Variants in PHTF1 observed in about 807,000 individuals in gnomAD.
The protein encoded by PHTF1 is protein PHTF1.
A neutral mutation model predicts 102.4 loss-of-function variants in PHTF1; 88 were observed. The observed-to-expected ratio is 0.86, with a 90% confidence interval of 0.72 to 1.03. The LOEUF (loss-of-function observed/expected upper bound fraction) is 1.03. Ranked by LOEUF, PHTF1 falls within the 50% of genes least tolerant of loss-of-function variation. PHTF1 has a pLI of 0.00. For synonymous variants in PHTF1, 289 were observed against 305.2 expected (o/e 0.95, Z 0.55); for missense variants, 814 against 909.5 (o/e 0.89, Z 1.35).
chr1:113,752,835 TAAATAA>T (rs1658298403), intron 3 of PHTF1, among the ~76,000 whole-genome samples: 1 of 152,226 alleles, frequency 6.6e-6, no homozygotes, highest in South Asian at 2.1e-4. Flanking sequence ...AGTACAATGT[TAAATAA>T]AAATAGTAAG....
At chr1:113,739,495 A>T (rs1219863537) in intron 3 of PHTF1, among the ~76,000 whole-genome samples, 1 of 152,216 alleles carries the variant, frequency 6.6e-6, no homozygotes, top group East Asian at 1.9e-4. Flanking sequence ...TTTATGGCGT[A>T]GAATGTGATA....
intron 17 of PHTF1, chr1:113,698,944 A>C (rs1424416962): frequency 6.4e-6 from 1 of 157,130 alleles, no homozygotes; most frequent in Non-Finnish European, 1.4e-5. Context: ...TCTTTAGGCC[A>C]TGGTCACTAA....
At chr1:113,707,936 C>A (rs1000665810) in intron 11 of PHTF1, among the ~76,000 whole-genome samples, 8 of 131,566 alleles carry the variant, frequency 6.1e-5, no homozygotes, top group African/African-American at 2.5e-4. Flanking sequence ...ATGTCCCAGG[C>A]AAAGAAACCT....
At chr1:113,750,449 ACTCT>A (rs1245109694) in intron 3 of PHTF1, among the ~76,000 whole-genome samples, 1 of 152,120 alleles carries the variant, frequency 6.6e-6, no homozygotes, top group Admixed American at 6.5e-5. Flanking sequence ...ATTTTTGTTC[ACTCT>A]AATATTAATT....
At chr1:113,718,274 G>A (rs1224932575) in intron 7 of PHTF1, among the ~76,000 whole-genome samples, 3 of 152,196 alleles carry the variant, frequency 2.0e-5, no homozygotes, top group Non-Finnish European at 4.4e-5. Context: ...CACACATCCA[G>A]GTCACGCTGA....
At chr1:113,710,123 C>A (rs1047448874) in intron 11 of PHTF1, 131 bp downstream of exon 11, 2 of 685,230 alleles carry the variant, frequency 2.9e-6, no homozygotes, top group Non-Finnish European at 2.5e-6. Context: ...TCAGTTTCCT[C>A]ACCTCTAAAC....
chr1:113,715,362 T>C (rs1050739477), intron 7 of PHTF1: 1 of 152,068 alleles, frequency 6.6e-6, no homozygotes, highest in Admixed American at 6.6e-5. Context: ...AAATTCAAAA[T>C]AGCTATTTTT....
intron 3 of PHTF1, among the ~76,000 whole-genome samples, chr1:113,750,408 A>AT (rs1165812988): frequency 6.6e-6 from 1 of 152,174 alleles, no homozygotes; most frequent in Non-Finnish European, 1.5e-5. Context: ...TTTATTCTCT[A>AT]AATACAAAAC....
At chr1:113,743,821 C>A (rs1240692232) in intron 3 of PHTF1, among the ~76,000 whole-genome samples, 1 of 152,150 alleles carries the variant, frequency 6.6e-6, no homozygotes, top group Non-Finnish European at 1.5e-5. Flanking sequence ...GTTAACTTGA[C>A]TCATTTAATC....
At chr1:113,755,896 T>A (rs1658790870) in intron 3 of PHTF1, among the ~76,000 whole-genome samples, 1 of 146,186 alleles carries the variant, frequency 6.8e-6, no homozygotes, top group African/African-American at 2.5e-5. Flanking sequence ...CCGTCTCTAC[T>A]AAAAAAAAAA....
intron 15 of PHTF1, 163 bp downstream of exon 15, chr1:113,703,918 T>G (rs1157254228): frequency 1.9e-6 from 1 of 528,652 alleles, no homozygotes; most frequent in East Asian, 2.9e-5. Context: ...ATTACTTGTA[T>G]TCCCATTTTG....
At chr1:113,750,120 C>T (rs1189231246) in intron 3 of PHTF1, among the ~76,000 whole-genome samples, 2 of 152,104 alleles carry the variant, frequency 1.3e-5, no homozygotes, top group Non-Finnish European at 2.9e-5. Context: ...CCAGCTTCCC[C>T]AGTATCTGGG....
At chr1:113,750,955 T>C (rs1421458606) in intron 3 of PHTF1, among the ~76,000 whole-genome samples, 1 of 151,504 alleles carries the variant, frequency 6.6e-6, no homozygotes, top group Non-Finnish European at 1.5e-5. Flanking sequence ...AGATTTAATA[T>C]ATTCTCTCAA....
intron 3 of PHTF1, among the ~76,000 whole-genome samples, chr1:113,746,022 C>T (rs1469422627): frequency 6.6e-6 from 1 of 152,200 alleles, no homozygotes; most frequent in Admixed American, 6.5e-5. Flanking sequence ...CTGGACTATA[C>T]AATCTCTGTC....
intron 10 of PHTF1, among the ~76,000 whole-genome samples, chr1:113,710,814 T>A (rs867831669): frequency 0.032 from 3,535 of 111,304 alleles, 102 homozygotes; most frequent in African/African-American, 0.12. Context: ...ATATATATTT[T>A]TTTTTTTTTT....
intron 10 of PHTF1, among the ~76,000 whole-genome samples, 184 bp from the exon 11 acceptor site, chr1:113,710,659 C>A (rs1207985677): frequency 6.6e-6 from 1 of 151,580 alleles, no homozygotes; most frequent in East Asian, 1.9e-4. Context: ...GATACAGGGT[C>A]GCGCTCTGTC....
chr1:113,758,641 AAT>A lies in PHTF1; in HGVS notation c.45+16_45+17del, dbSNP rs1553237962. On this transcript the variant is annotated intron_variant, in intron 2 of 18. Transcript: ENST00000369604. ...GGAAGAATGCTTTACAAATAAAAAA[AAT>A]ATATATATGTATTACCTTCTTTTGG... 7.0e-7 allele frequency: 1 copy of A among 1,430,796 alleles called. No homozygotes were observed. The highest frequency in any genetic ancestry group is 1.3e-5 in the South Asian group (1 of 74,806). The allele number at this position is 1,430,796 out of a possible 1,614,324, so 88.6% of individuals were successfully genotyped here.
At position 113,699,937 on chromosome 1, in the gene PHTF1, T is replaced by C. The variant is rs374298143; in HGVS notation, c.2047-138A>G. ...CCAATAGCTATCGCTACAGAGAACA[T>C]ATGTCATGTGCTCTAGCCCCCATTC... On this transcript the variant is annotated intron_variant, in intron 16 of 18. Coordinates refer to ENST00000369604, the MANE Select transcript of PHTF1 (RefSeq NM_001323043.2). The C allele has an allele frequency of 2.7e-3, 1,823 of 681,016 alleles. 53 individuals are homozygous for C. The South Asian group carries it at 0.037, about 14-fold the overall frequency. The allele number at this position is 681,016 out of a possible 1,614,324, so 42.2% of individuals were successfully genotyped here. A position where few individuals can be genotyped will look rare whatever the true frequency, so the allele number is the denominator to read the frequency against.
At chr1:113,742,664 G>T (rs1478197655) in intron 3 of PHTF1, among the ~76,000 whole-genome samples, 1 of 151,934 alleles carries the variant, frequency 6.6e-6, no homozygotes, top group East Asian at 1.9e-4. Flanking sequence ...ACCTGTATAG[G>T]GCACTTATCA....
Sources: allele counts gnomAD v4.1 joint callset (sites outside exome capture counted in the v4.1 genomes callset), GRCh38; gene constraint gnomAD v4.1.1; transcripts MANE v1.5; gene names NCBI Gene and HGNC (gene_info 2026-07-23, HGNC 2026-07-21).